The following NR1H4 variants were observed in gnomAD, a reference collection of about 807,000 sequenced individuals.
NR1H4 encodes the protein nuclear receptor subfamily 1 group H member 4, also known as bile acid receptor.
Under a neutral mutation model 58.5 loss-of-function variants are expected in NR1H4, and 23 were observed. The ratio of observed to expected loss-of-function variants is 0.39; its 90% CI spans 0.28 to 0.56. NR1H4 has a LOEUF of 0.56. Ranked by LOEUF, NR1H4 falls within the 20% of genes least tolerant of loss-of-function variation. The probability of loss-of-function intolerance (pLI) is 0.58; values close to 1 mark genes in which losing one functional copy is unlikely to be tolerated. For missense variants in NR1H4, 487 were observed against 576.9 expected, an observed-to-expected ratio of 0.84 and a Z score of 1.60; for synonymous variants, 214 against 198.0, an observed-to-expected ratio of 1.08 and a Z score of -0.68.
chr12:100,473,971 T>C lies in NR1H4; in HGVS notation c.-278T>C, dbSNP rs1953215869. 6.6e-6 allele frequency: 1 copy of C among 152,236 alleles called. No individual in the cohort carries two copies. Among genetic ancestry groups the C allele is most frequent in the South Asian group, 2.1e-4 (1 of 4,828 alleles). 9.4% of individuals were successfully genotyped at this position (152,236 alleles called of 1,614,324 possible). ...TGCGAAATTGGATTCTGAGCATTTG[T>C]AGCAAAATCGCTGGGATCTGGAGAG... On this transcript the variant is annotated 5_prime_UTR_variant, in exon 1 of 11. It removes the in-frame stop codon of an upstream open reading frame in the 5' UTR. Coordinates refer to ENST00000392986, the MANE Select transcript of NR1H4 (RefSeq NM_001206979.2).
At chr12:100,495,209 AG>A (rs760932865) in intron 3 of NR1H4, among the ~76,000 whole-genome samples, 66 of 152,238 alleles carry the variant, frequency 4.3e-4, no homozygotes, top group Middle Eastern at 3.4e-3. Flanking sequence ...ACTGCATTTA[AG>A]GTTTCTGAGA....
At chr12:100,511,464 T>G (rs1470205417) in intron 4 of NR1H4, among the ~76,000 whole-genome samples, 1 of 152,190 alleles carries the variant, frequency 6.6e-6, no homozygotes, top group Non-Finnish European at 1.5e-5. Flanking sequence ...GTTTTTGTTG[T>G]TTTTTTAAAA....
intron 1 of NR1H4, among the ~76,000 whole-genome samples, chr12:100,475,669 T>C (rs1953253354): frequency 6.6e-6 from 1 of 152,230 alleles, no homozygotes; most frequent in African/African-American, 2.4e-5. Context: ...TACTAACATG[T>C]CCTAGCCTTT....
chr12:100,503,476 T>C (rs1422904115), intron 3 of NR1H4: 1 of 1,597,198 alleles, frequency 6.3e-7, no homozygotes, highest in Non-Finnish European at 8.5e-7. Context: ...ATGGAAATGA[T>C]GAGTATGAAG....
intron 9 of NR1H4, among the ~76,000 whole-genome samples, chr12:100,542,115 G>A (rs909063230): frequency 6.6e-6 from 1 of 151,994 alleles, no homozygotes; most frequent in Non-Finnish European, 1.5e-5. Context: ...GGAGGCAGAG[G>A]GGGGTGGATC....
intron 8 of NR1H4, among the ~76,000 whole-genome samples, chr12:100,539,936 G>A (rs183751186): frequency 2.0e-5 from 3 of 152,264 alleles, no homozygotes; most frequent in African/African-American, 4.8e-5. Flanking sequence ...TATCTGGGAA[G>A]AACATTAATC....
At chr12:100,535,139 C>A in intron 6 of NR1H4, 116 bp downstream of exon 6, 5 of 1,134,706 alleles carry the variant, frequency 4.4e-6, no homozygotes, top group Non-Finnish European at 6.6e-6. Flanking sequence ...ATTTCTAGTC[C>A]AATTGTTCAT....
At chr12:100,509,861 C>A (rs1355500678) in intron 3 of NR1H4, among the ~76,000 whole-genome samples, 1 of 152,204 alleles carries the variant, frequency 6.6e-6, no homozygotes, top group East Asian at 1.9e-4. Context: ...GTCACCACCA[C>A]CTACTTTCTT....
chr12:100,548,069 C>T (rs943188283), intron 9 of NR1H4, among the ~76,000 whole-genome samples: 9 of 149,266 alleles, frequency 6.0e-5, no homozygotes, highest in African/African-American at 1.5e-4. Flanking sequence ...TTGTTTTTTG[C>T]CTGAAGAATA....
At chr12:100,503,544 A>T (rs952267704) in intron 3 of NR1H4, 5 of 1,505,322 alleles carry the variant, frequency 3.3e-6, no homozygotes, top group Non-Finnish European at 4.4e-6. Context: ...TTGCAACTGG[A>T]CTGAGGAAAT....
intron 3 of NR1H4, among the ~76,000 whole-genome samples, chr12:100,508,506 C>T (rs79626306): frequency 1.1e-3 from 161 of 152,166 alleles, no homozygotes; most frequent in African/African-American, 3.6e-3. Context: ...CAATTCAGTG[C>T]ATGGGCTTTG....
intron 9 of NR1H4, among the ~76,000 whole-genome samples, chr12:100,558,940 T>A (rs1324597934): frequency 1.3e-5 from 2 of 152,214 alleles, no homozygotes; most frequent in African/African-American, 4.8e-5. Context: ...TGTATCTACC[T>A]CACGGGGTTT....
At chr12:100,524,335 G>A (rs554288251) in intron 4 of NR1H4, among the ~76,000 whole-genome samples, 6 of 152,300 alleles carry the variant, frequency 3.9e-5, no homozygotes, top group African/African-American at 9.6e-5. Flanking sequence ...GCAGCATCAG[G>A]CACCTCCCAG....
rs78178327 is a variant in NR1H4 at position 100,553,568 on chromosome 12, C to T, written c.1079-8317C>T. Reference sequence around the variant, plus strand: ...GTATCCCACTTGTTAGGGGAGCTGTCAGAATGCTCTTGGCCGATAGCTACA... The same window carrying T: ...GTATCCCACTTGTTAGGGGAGCTGTTAGAATGCTCTTGGCCGATAGCTACA... On this transcript the variant is annotated intron_variant, in intron 9 of 10. Coordinates refer to ENST00000392986, the MANE Select transcript of NR1H4 (RefSeq NM_001206979.2). Among the ~76,000 whole-genome samples the T allele has an allele frequency of 1.7e-3, 254 of 152,256 alleles. 5 individuals are homozygous for T. The highest frequency in any genetic ancestry group is 5.9e-3 in the African/African-American group (244 of 41,550).
At chr12:100,545,286 G>C (rs908566922) in intron 9 of NR1H4, among the ~76,000 whole-genome samples, 1 of 152,024 alleles carries the variant, frequency 6.6e-6, no homozygotes, top group East Asian at 1.9e-4. Context: ...GCTAAAAGGG[G>C]AAAAATAGTC....
chr12:100,522,521 G>C (rs900975443), intron 4 of NR1H4, among the ~76,000 whole-genome samples: 1 of 151,454 alleles, frequency 6.6e-6, no homozygotes, highest in Non-Finnish European at 1.5e-5. Flanking sequence ...ATCTAGCTCT[G>C]TACCTGGCAC....
Position 100,521,734 on chromosome 12 carries a change from T to C in NR1H4, c.445+10591T>C, listed in dbSNP as rs533209021. ...TCCAGTATAGAATAGATGTAGTGTT[T>C]CCAAAGGATCCTTTGTTTATGGACA... On this transcript the variant is annotated intron_variant, in intron 4 of 10. Transcript: ENST00000392986. Among the ~76,000 whole-genome samples the C allele has an allele frequency of 3.1e-3, 478 of 152,334 alleles. 4 individuals carry two copies. Among genetic ancestry groups the C allele is most frequent in the Admixed American group, 5.6e-3 (85 of 15,304 alleles).
intron 9 of NR1H4, among the ~76,000 whole-genome samples, chr12:100,546,323 C>T (rs542946793): frequency 6.6e-6 from 1 of 152,270 alleles, no homozygotes; most frequent in South Asian, 2.1e-4. Context: ...TCCCAAGTAT[C>T]TGTTCCCTCT....
chr12:100,506,748 T>A (rs1300129020), intron 3 of NR1H4, among the ~76,000 whole-genome samples: 1 of 152,214 alleles, frequency 6.6e-6, no homozygotes, highest in African/African-American at 2.4e-5. Flanking sequence ...CCTCAGGTGA[T>A]CCACTCGCCT....
Sources: gnomAD v4.1 joint callset for allele counts (sites outside exome capture counted in the v4.1 genomes callset) on GRCh38, gnomAD v4.1.1 for gene constraint, MANE v1.5 for transcripts, NCBI Gene and HGNC (gene_info 2026-07-23, HGNC 2026-07-21) for gene names.